PALM2AKAP2: variants seen among roughly 807,000 people sequenced by gnomAD.
The protein encoded by PALM2AKAP2 is PALM2 and AKAP2 fusion.
PALM2AKAP2 carries 37 observed loss-of-function variants against 71.5 expected under a neutral mutation model. That is an observed-to-expected ratio of 0.52 (90% CI 0.40 to 0.68). The LOEUF (loss-of-function observed/expected upper bound fraction) is 0.68, where lower values mean the gene tolerates loss of function less well. PALM2AKAP2 is among the 30% of genes least tolerant of loss of function. The pLI is 0.00. For synonymous variants in PALM2AKAP2, 468 were observed against 478.8 expected, an observed-to-expected ratio of 0.98 and a Z score of 0.29; for missense variants, 1,224 against 1,191.8, an observed-to-expected ratio of 1.03 and a Z score of -0.40.
In PALM2AKAP2 at chr9:109,914,999, T is replaced by G. The variant is rs1396953637; in HGVS notation, c.258-8736T>G. On this transcript the variant is annotated intron_variant, in intron 3 of 9. Coordinates refer to the PALM2AKAP2 transcript ENST00000302798. Reference sequence around the variant, plus strand: ...TTTTTCTACTCCTTTCCTTTTCTGCTCTTTCTACCACCTCCTACTGCTGGA... The same window carrying G: ...TTTTTCTACTCCTTTCCTTTTCTGCGCTTTCTACCACCTCCTACTGCTGGA... 2.6e-5 allele frequency among the ~76,000 whole-genome samples: 4 copies of G among 152,218 alleles called. No individual in the cohort carries two copies. The East Asian group carries it at 7.7e-4, about 29-fold the overall frequency.
Position 109,686,045 on chromosome 9 carries a change from C to T in PALM2AKAP2, c.5+45179C>T, listed in dbSNP as rs1271551985. Among the ~76,000 whole-genome samples the T allele has an allele frequency of 2.6e-5, 4 of 152,160 alleles. No homozygotes were observed. In the East Asian group the frequency reaches 5.8e-4, roughly 22 times the overall value. On this transcript the variant is annotated intron_variant, in intron 1 of 6. Coordinates refer to the PALM2AKAP2 transcript ENST00000374531. The stretch of plus-strand genomic sequence containing the variant: ...TATTTGTAAGAAGCAACTCTCTGTC[C>T]ATTCAAGTTTGATAATGAGATTGCA...
chr9:109,892,679 C>T (rs1190807513), intron 3 of PALM2AKAP2, among the ~76,000 whole-genome samples: 1 of 152,108 alleles, frequency 6.6e-6, no homozygotes, highest in African/African-American at 2.4e-5. Context: ...TGAACATCCG[C>T]GTAATACTTG....
intron 1 of PALM2AKAP2, among the ~76,000 whole-genome samples, chr9:109,813,410 C>A (rs1250300101): frequency 7.5e-6 from 1 of 132,738 alleles, no homozygotes; most frequent in Non-Finnish European, 1.8e-5. Flanking sequence ...TGCCAACAAT[C>A]TGTAACGGCC....
rs144371266 is a variant in PALM2AKAP2 at position 109,808,005 on chromosome 9, C to T, written c.45+27472C>T. Among the ~76,000 whole-genome samples, 928 of 152,298 alleles carry T rather than the reference C, an allele frequency of 6.1e-3. 8 individuals carry two copies. The highest frequency in any genetic ancestry group is 0.021 in the African/African-American group (856 of 41,562). On this transcript the variant is annotated intron_variant, in intron 1 of 9. Transcript: ENST00000302798. ...CCTTCTGCCATGATTGTGAGGCCTC[C>T]GCAGCCATATGGAACTGTGATTCAA...
At chr9:110,146,797 A>G (rs1564333871) in intron 2 of PALM2AKAP2, among the ~76,000 whole-genome samples, 1 of 152,014 alleles carries the variant, frequency 6.6e-6, no homozygotes, top group Non-Finnish European at 1.5e-5. Flanking sequence ...GCAGGGAGAG[A>G]GTGTATGGGG....
chr9:109,852,716 A>G (rs1049634826), intron 1 of PALM2AKAP2, among the ~76,000 whole-genome samples: 1 of 152,162 alleles, frequency 6.6e-6, no homozygotes, highest in African/African-American at 2.4e-5. Flanking sequence ...ACGTTTTAAT[A>G]GTAGCCATTC....
chr9:109,725,408 A>G (rs1056183644), intron 1 of PALM2AKAP2, among the ~76,000 whole-genome samples: 2 of 152,200 alleles, frequency 1.3e-5, no homozygotes, highest in Non-Finnish European at 2.9e-5. Flanking sequence ...CTCGTGTCAT[A>G]TTAGTCCCAA....
intron 6 of PALM2AKAP2, among the ~76,000 whole-genome samples, chr9:109,966,073 T>G (rs1831942228): frequency 6.6e-6 from 1 of 152,192 alleles, no homozygotes; most frequent in South Asian, 2.1e-4. Context: ...GGATGGGGTT[T>G]CAAGGGACTT....
At chr9:110,023,301 G>GTTTTTTTTTTTTTTTTTTTT (rs1292412365) in intron 7 of PALM2AKAP2, among the ~76,000 whole-genome samples, 1 of 101,418 alleles carries the variant, frequency 9.9e-6, no homozygotes, top group African/African-American at 4.1e-5. Flanking sequence ...TCTCATTGTG[G>GTTTTTTTTTTTTTTTTTTTT]TTTCTTTTTT....
chr9:109,969,862 C>T lies in PALM2AKAP2; in HGVS notation c.496+37834C>T, dbSNP rs575764686. On this transcript the variant is annotated intron_variant, in intron 6 of 9. Coordinates refer to the PALM2AKAP2 transcript ENST00000302798. Reference sequence around the variant, plus strand: ...GAGAAAGTGCACCCCTCCCCGAACCCCACCAGGATGCCTAGCTTCATCTCT... The same window carrying T: ...GAGAAAGTGCACCCCTCCCCGAACCTCACCAGGATGCCTAGCTTCATCTCT... 1.2e-3 allele frequency among the ~76,000 whole-genome samples: 176 copies of T among 152,222 alleles called. 1 individual carries two copies. The highest frequency in any genetic ancestry group is 6.8e-3 in the Middle Eastern group (2 of 294).
At chr9:110,081,478 T>TACACTCGCTTCC (rs1834447560) in intron 1 of PALM2AKAP2, among the ~76,000 whole-genome samples, 1 of 152,210 alleles carries the variant, frequency 6.6e-6, no homozygotes, top group Non-Finnish European at 1.5e-5. Context: ...TCTTAGTGGA[T>TACACTCGCTTCC]TATGTTCTTA....
At chr9:109,684,508 C>A (rs1471441787) in intron 1 of PALM2AKAP2, among the ~76,000 whole-genome samples, 2 of 152,078 alleles carry the variant, frequency 1.3e-5, no homozygotes, top group African/African-American at 4.8e-5. Context: ...GGAGCTGTCA[C>A]CTAGAGCAGA....
At chr9:109,659,016 C>T (rs562111294) in intron 1 of PALM2AKAP2, among the ~76,000 whole-genome samples, 61 of 152,238 alleles carry the variant, frequency 4.0e-4, no homozygotes, top group African/African-American at 1.4e-3. Flanking sequence ...GTAAATAAAG[C>T]AAATATCTTC....
intron 6 of PALM2AKAP2, among the ~76,000 whole-genome samples, chr9:109,955,282 A>C (rs1025479959): frequency 2.9e-4 from 44 of 152,300 alleles, no homozygotes; most frequent in African/African-American, 1.1e-3. Context: ...TTAGTTTTGA[A>C]CAGGCTACAA....
At chr9:109,646,492 A>T (rs774116392) in intron 1 of PALM2AKAP2, among the ~76,000 whole-genome samples, 1 of 152,232 alleles carries the variant, frequency 6.6e-6, no homozygotes. Flanking sequence ...GATGCCTGTT[A>T]TCACATGGAC....
chr9:110,072,504 A>G (rs911183579), intron 1 of PALM2AKAP2, among the ~76,000 whole-genome samples: 1 of 152,230 alleles, frequency 6.6e-6, no homozygotes, highest in African/African-American at 2.4e-5. Flanking sequence ...TAAAGGAATT[A>G]CTTATCTGTG....
intron 6 of PALM2AKAP2, among the ~76,000 whole-genome samples, chr9:110,003,483 G>C (rs1303360998): frequency 6.6e-6 from 1 of 152,160 alleles, no homozygotes; most frequent in East Asian, 1.9e-4. Context: ...GTGTGGTGTG[G>C]TGCTGAAAAG....
chr9:109,936,880 G>A (rs1229502988), intron 6 of PALM2AKAP2, among the ~76,000 whole-genome samples: 1 of 152,198 alleles, frequency 6.6e-6, no homozygotes, highest in African/African-American at 2.4e-5. Flanking sequence ...CTCTCAGCCT[G>A]TTCCTCCTCC....
At chr9:109,854,683 C>G (rs565094306) in intron 1 of PALM2AKAP2, among the ~76,000 whole-genome samples, 1 of 148,646 alleles carries the variant, frequency 6.7e-6, no homozygotes, top group African/African-American at 2.5e-5. Flanking sequence ...TATGCATGTG[C>G]GTACACATGC....
Sources: gnomAD v4.1 joint callset for allele counts (sites outside exome capture counted in the v4.1 genomes callset) on GRCh38, gnomAD v4.1.1 for gene constraint, MANE v1.5 for transcripts, NCBI Gene and HGNC (gene_info 2026-07-23, HGNC 2026-07-21) for gene names.